Variants in EXOC6B observed in about 807,000 individuals in gnomAD.
The protein encoded by EXOC6B is exocyst complex component 6B, also known as SEC15 homolog B.
EXOC6B carries 54 observed loss-of-function variants against 113.5 expected under a neutral mutation model. The observed-to-expected ratio is 0.48, with a 90% confidence interval of 0.38 to 0.60. The LOEUF is 0.60. EXOC6B is among the 20% of genes least tolerant of loss of function. The pLI is 0.00. For missense variants in EXOC6B, 797 were observed against 977.5 expected (o/e 0.82, Z 2.46); for synonymous variants, 357 against 339.0 (o/e 1.05, Z -0.58).
At chr2:72,796,599 C>A (rs943226966) in intron 1 of EXOC6B, among the ~76,000 whole-genome samples, 1 of 152,056 alleles carries the variant, frequency 6.6e-6, no homozygotes. Context: ...CTAAATAATT[C>A]ATTTTTTAAC....
intron 8 of EXOC6B, among the ~76,000 whole-genome samples, chr2:72,517,430 A>G (rs191704705): frequency 1.3e-5 from 2 of 152,248 alleles, no homozygotes; most frequent in South Asian, 2.1e-4. Flanking sequence ...AAGTGATTAT[A>G]ACTGTATACA....
At chr2:72,306,783 G>A (rs1686886146) in intron 20 of EXOC6B, among the ~76,000 whole-genome samples, 1 of 152,066 alleles carries the variant, frequency 6.6e-6, no homozygotes, top group Non-Finnish European at 1.5e-5. Flanking sequence ...CCGTTGTAAT[G>A]GGCAGTAAAG....
intron 6 of EXOC6B, among the ~76,000 whole-genome samples, chr2:72,634,903 G>A (rs1051075404): frequency 4.0e-5 from 6 of 151,598 alleles, no homozygotes; most frequent in African/African-American, 1.5e-4. Context: ...AAATCATAGG[G>A]TGTGATCTCT....
chr2:72,766,637 C>T (rs1349848448), intron 1 of EXOC6B, among the ~76,000 whole-genome samples: 1 of 151,822 alleles, frequency 6.6e-6, no homozygotes, highest in Non-Finnish European at 1.5e-5. Context: ...AGATGGTTTA[C>T]CAGCAAATAA....
At chr2:72,699,937 T>C (rs1678191293) in intron 6 of EXOC6B, among the ~76,000 whole-genome samples, 1 of 152,146 alleles carries the variant, frequency 6.6e-6, no homozygotes, top group African/African-American at 2.4e-5. Flanking sequence ...AGGACCTCTC[T>C]GCAAATACCA....
intron 8 of EXOC6B, among the ~76,000 whole-genome samples, chr2:72,535,765 G>C (rs1702255163): frequency 6.6e-6 from 1 of 151,964 alleles, no homozygotes; most frequent in African/African-American, 2.4e-5. Context: ...AGCTACTAGG[G>C]AGGCTGAGGC....
chr2:72,372,936 C>T (rs1027655312), intron 19 of EXOC6B, among the ~76,000 whole-genome samples: 1 of 151,948 alleles, frequency 6.6e-6, no homozygotes, highest in African/African-American at 2.4e-5. Flanking sequence ...GAAACTAGAC[C>T]CCTATCTCTT....
intron 1 of EXOC6B, among the ~76,000 whole-genome samples, chr2:72,746,687 C>A (rs1055447134): frequency 4.6e-5 from 7 of 152,012 alleles, no homozygotes; most frequent in Admixed American, 1.3e-4. Flanking sequence ...ATGTTATAAG[C>A]ATTATTTCAT....
chr2:72,685,186 TG>T (rs1320355294), intron 6 of EXOC6B, among the ~76,000 whole-genome samples: 1 of 152,112 alleles, frequency 6.6e-6, no homozygotes, highest in Non-Finnish European at 1.5e-5. Context: ...TAAGTAAATA[TG>T]GTTGTTGACT....
intron 1 of EXOC6B, among the ~76,000 whole-genome samples, chr2:72,808,955 C>G (rs1435118871): frequency 2.0e-5 from 3 of 152,044 alleles, no homozygotes; most frequent in Non-Finnish European, 2.9e-5. Flanking sequence ...GTCACAGCTA[C>G]TCAGGAGGCT....
At chr2:72,580,434 C>T (rs929239984) in intron 6 of EXOC6B, among the ~76,000 whole-genome samples, 1 of 152,128 alleles carries the variant, frequency 6.6e-6, no homozygotes, top group Non-Finnish European at 1.5e-5. Flanking sequence ...TGAGCCACCA[C>T]ACCCGGCCAG....
intron 18 of EXOC6B, among the ~76,000 whole-genome samples, chr2:72,392,416 C>T (rs973139986): frequency 3.9e-5 from 6 of 152,216 alleles, no homozygotes; most frequent in South Asian, 2.1e-4. Flanking sequence ...CCAGCTCAGA[C>T]CCTGGCCATA....
intron 1 of EXOC6B, among the ~76,000 whole-genome samples, chr2:72,815,062 G>A (rs1283238726): frequency 2.0e-5 from 3 of 152,326 alleles, no homozygotes; most frequent in Admixed American, 2.0e-4. Flanking sequence ...AAAGAGGCAG[G>A]TTTGAAACTT....
rs916237284 is a variant in EXOC6B, at chr2:72,226,335, CAG to C, written c.2197-42150_2197-42149del. 3.0e-4 allele frequency among the ~76,000 whole-genome samples: 46 copies of C among 152,120 alleles called. 1 individual carries two copies. Among genetic ancestry groups the C allele is most frequent in the Non-Finnish European group, 7.4e-5 (5 of 68,022 alleles). On this transcript the variant is annotated intron_variant, in intron 20 of 21. Coordinates refer to ENST00000272427, the MANE Select transcript of EXOC6B (RefSeq NM_015189.3). ...ACAAATGTTTCACTGTAATAAAAAACAGATGTTAACATTAGGAGAAACTGAGT... is the reference window on the plus strand; with the variant it reads ...ACAAATGTTTCACTGTAATAAAAAACATGTTAACATTAGGAGAAACTGAGT...
intron 20 of EXOC6B, among the ~76,000 whole-genome samples, chr2:72,224,458 T>A (rs1454090078): frequency 2.0e-5 from 3 of 151,926 alleles, no homozygotes; most frequent in Non-Finnish European, 2.9e-5. Context: ...AGGAAAAAAA[T>A]TTAAAAATAA....
intron 6 of EXOC6B, among the ~76,000 whole-genome samples, chr2:72,610,080 A>G (rs1670985946): frequency 6.6e-6 from 1 of 152,150 alleles, no homozygotes; most frequent in Non-Finnish European, 1.5e-5. Flanking sequence ...TGTTGCTGGC[A>G]GAGGTCTATA....
intron 19 of EXOC6B, among the ~76,000 whole-genome samples, chr2:72,375,657 G>C (rs568248444): frequency 2.0e-5 from 3 of 152,126 alleles, no homozygotes; most frequent in Non-Finnish European, 4.4e-5. Flanking sequence ...ACTGTGGCTG[G>C]AGTAGTACTT....
At chr2:72,357,585 A>C (rs1484922185) in intron 19 of EXOC6B, among the ~76,000 whole-genome samples, 3 of 152,038 alleles carry the variant, frequency 2.0e-5, no homozygotes, top group Non-Finnish European at 4.4e-5. Flanking sequence ...CCAGCTACTT[A>C]GGAGGCTGAA....
chr2:72,415,098 A>C (rs1204834199), intron 18 of EXOC6B, among the ~76,000 whole-genome samples: 1 of 152,166 alleles, frequency 6.6e-6, no homozygotes, highest in Non-Finnish European at 1.5e-5. Context: ...TTTTTCATTT[A>C]AGAAATAAAA....
Sources: gnomAD v4.1 joint callset for allele counts (sites outside exome capture counted in the v4.1 genomes callset) on GRCh38, gnomAD v4.1.1 for gene constraint, MANE v1.5 for transcripts, NCBI Gene and HGNC (gene_info 2026-07-23, HGNC 2026-07-21) for gene names.